Variants in DLC1 observed in about 807,000 individuals in gnomAD.
The protein encoded by DLC1 is rho GTPase-activating protein 7.
In DLC1, 54 loss-of-function variants were observed where a neutral mutation model predicts 140.3. The observed-to-expected ratio is 0.38, with a 90% confidence interval of 0.31 to 0.48. The LOEUF is 0.48. DLC1 is among the 20% of genes least tolerant of loss of function. The probability of loss-of-function intolerance (pLI) is 0.96; values close to 1 mark genes in which losing one functional copy is unlikely to be tolerated. For synonymous variants in DLC1, 986 were observed against 728.1 expected (o/e 1.35, Z -5.70); for missense variants, 2,536 against 1,907.0 (o/e 1.33, Z -6.14).
intron 4 of DLC1, among the ~76,000 whole-genome samples, chr8:13,353,220 C>T (rs902789254): frequency 2.0e-5 from 3 of 152,120 alleles, no homozygotes; most frequent in African/African-American, 4.8e-5. Flanking sequence ...GACGAACACC[C>T]AGGGAGAGGA....
At chr8:13,109,656 G>T (rs1324546473) in intron 7 of DLC1, among the ~76,000 whole-genome samples, 3 of 151,950 alleles carry the variant, frequency 2.0e-5, no homozygotes, top group Non-Finnish European at 4.4e-5. Context: ...AGGCCGAGGT[G>T]GGTGGATCAC....
intron 5 of DLC1, among the ~76,000 whole-genome samples, chr8:13,194,173 A>G (rs1352150974): frequency 6.6e-6 from 1 of 152,184 alleles, no homozygotes; most frequent in Non-Finnish European, 1.5e-5. Context: ...TTTTTATCAA[A>G]TGCCACATTT....
intron 5 of DLC1, among the ~76,000 whole-genome samples, chr8:13,219,613 C>T (rs945402455): frequency 6.6e-6 from 1 of 151,584 alleles, no homozygotes; most frequent in African/African-American, 2.4e-5. Context: ...TTCAAAAAAG[C>T]CTTCACTAAT....
intron 4 of DLC1, among the ~76,000 whole-genome samples, chr8:13,329,576 T>C (rs558492020): frequency 7.7e-4 from 118 of 152,320 alleles, no homozygotes; most frequent in African/African-American, 2.5e-3. Flanking sequence ...AAATATTGAC[T>C]TTTTTCTACT....
chr8:13,253,550 A>C (rs1830095354), intron 5 of DLC1, among the ~76,000 whole-genome samples: 2 of 152,196 alleles, frequency 1.3e-5, no homozygotes, highest in South Asian at 4.1e-4. Context: ...AAAATGTGGA[A>C]TATTTACAAT....
chr8:13,398,062 C>T (rs923112768), intron 3 of DLC1, among the ~76,000 whole-genome samples: 6 of 151,738 alleles, frequency 4.0e-5, no homozygotes, highest in Non-Finnish European at 8.8e-5. Context: ...ACCAGGGAGG[C>T]AGAGGTTGCC....
chr8:13,547,065 C>T (rs567915362), intron 1 of DLC1, among the ~76,000 whole-genome samples: 6 of 151,944 alleles, frequency 3.9e-5, no homozygotes, highest in South Asian at 4.2e-4. Flanking sequence ...TTATTGCATG[C>T]GACTGCTTGA....
chr8:13,539,308 T>A (rs183807225), intron 1 of DLC1, among the ~76,000 whole-genome samples: 1 of 152,138 alleles, frequency 6.6e-6, no homozygotes, highest in Non-Finnish European at 1.5e-5. Context: ...CACACCATTC[T>A]CCTGCCTTAG....
intron 5 of DLC1, among the ~76,000 whole-genome samples, chr8:13,277,879 CAA>C (rs1289187615): frequency 1.3e-5 from 2 of 152,120 alleles, no homozygotes; most frequent in Admixed American, 1.3e-4. Context: ...TTTTTACACA[CAA>C]AGTCATTTTC....
chr8:13,499,017 CA>C (rs1429339572), intron 2 of DLC1, 31 bp downstream of exon 2: 1 of 1,539,758 alleles, frequency 6.5e-7, no homozygotes, highest in Non-Finnish European at 8.7e-7. Context: ...TACAAAATTT[CA>C]AAAGCCAGAG....
chr8:13,102,633 A>C (rs888520137), intron 8 of DLC1, among the ~76,000 whole-genome samples, 157 bp downstream of exon 8: 4 of 152,252 alleles, frequency 2.6e-5, no homozygotes, highest in Admixed American at 6.5e-5. Context: ...CTTCAACTAC[A>C]TAAGGCTATC....
chr8:13,191,924 C>CTGA (rs1826776021), intron 5 of DLC1, among the ~76,000 whole-genome samples: 1 of 110,740 alleles, frequency 9.0e-6, no homozygotes, highest in Non-Finnish European at 1.8e-5. Flanking sequence ...GGGGAGTGGC[C>CTGA]TGATTATTAT....
At position 13,492,072 on chromosome 8, in the gene DLC1, A is replaced by T. The variant is rs530748180; in HGVS notation, c.1023+6977T>A. Reference sequence around the variant, plus strand: ...GAATATATACATCATGTCAGTAATAAGTCTTCTGTGGGTATAGAGAGAACT... The same window carrying T: ...GAATATATACATCATGTCAGTAATATGTCTTCTGTGGGTATAGAGAGAACT... On this transcript the variant is annotated intron_variant, in intron 2 of 17. Coordinates refer to ENST00000276297, the MANE Select transcript of DLC1 (RefSeq NM_182643.3). Among the ~76,000 whole-genome samples, 4 of 152,302 alleles carry T rather than the reference A, an allele frequency of 2.6e-5. No individual in the cohort carries two copies. In the East Asian group the frequency reaches 7.7e-4, roughly 29 times the overall value.
chr8:13,149,901 A>G (rs34568262), intron 5 of DLC1, among the ~76,000 whole-genome samples: 2,782 of 152,300 alleles, frequency 0.018, 29 homozygotes, highest in Middle Eastern at 0.027. Flanking sequence ...ATTACTCTCA[A>G]AATCCAAAAC....
intron 4 of DLC1, among the ~76,000 whole-genome samples, chr8:13,360,296 T>G (rs1328592021): frequency 6.6e-6 from 1 of 152,212 alleles, no homozygotes; most frequent in African/African-American, 2.4e-5. Context: ...TAGAATCACA[T>G]GGAGAAATTT....
Position 13,113,281 on chromosome 8 carries a change from G to C in DLC1, c.1420+2305C>G, listed in dbSNP as rs150305629. 6.3e-4 allele frequency among the ~76,000 whole-genome samples: 96 copies of C among 152,286 alleles called. 1 individual carries two copies. In the East Asian group the frequency reaches 0.018, roughly 28 times the overall value. On this transcript the variant is annotated intron_variant, in intron 6 of 17. Transcript: ENST00000276297. ...CCAAGTACGCAAATCAAGCTTAACA[G>C]GGGGACATGTGTGGGTTGGTATGGG...
intron 4 of DLC1, among the ~76,000 whole-genome samples, chr8:13,374,167 A>G (rs1373901540): frequency 6.6e-6 from 1 of 152,226 alleles, no homozygotes; most frequent in African/African-American, 2.4e-5. Flanking sequence ...AATAGGTCTC[A>G]GAATAAAAAT....
intron 4 of DLC1, among the ~76,000 whole-genome samples, chr8:13,355,674 C>G (rs1471832486): frequency 6.6e-6 from 1 of 152,140 alleles, no homozygotes; most frequent in Non-Finnish European, 1.5e-5. Flanking sequence ...TGCAAGGACC[C>G]AGTTCATTCC....
chr8:13,175,325 G>A (rs577015616), intron 5 of DLC1, among the ~76,000 whole-genome samples: 1 of 147,478 alleles, frequency 6.8e-6, no homozygotes, highest in African/African-American at 2.5e-5. Context: ...TTTTGCTTAG[G>A]ATTATTTTTG....
Sources: gnomAD v4.1 joint callset for allele counts (sites outside exome capture counted in the v4.1 genomes callset) on GRCh38, gnomAD v4.1.1 for gene constraint, MANE v1.5 for transcripts, NCBI Gene and HGNC (gene_info 2026-07-23, HGNC 2026-07-21) for gene names.